Variants in PAH observed in about 807,000 individuals in gnomAD.
The protein encoded by PAH is phenylalanine hydroxylase.
In PAH, 64 loss-of-function variants were observed where a neutral mutation model predicts 62.0. The ratio of observed to expected loss-of-function variants is 1.03; its 90% CI spans 0.84 to 1.27. The LOEUF (loss-of-function observed/expected upper bound fraction) is 1.27. Ranked by LOEUF, PAH falls within the 50% of genes most tolerant of loss-of-function variation. The pLI, the probability that PAH is intolerant of heterozygous loss-of-function variation, is 0.00. For synonymous variants in PAH, 195 were observed against 196.2 expected, an observed-to-expected ratio of 0.99 and a Z score of 0.05; for missense variants, 579 against 542.8, an observed-to-expected ratio of 1.07 and a Z score of -0.66.
chr12:102,883,179 A>G (rs1876894342), intron 3 of PAH, among the ~76,000 whole-genome samples: 1 of 152,262 alleles, frequency 6.6e-6, no homozygotes, highest in Non-Finnish European at 1.5e-5. Context: ...GAGGCTGGCC[A>G]GATGATACTT....
chr12:102,840,340 G>A (rs1190965659), intron 12 of PAH, 60 bp downstream of exon 12: 1 of 1,003,656 alleles, frequency 1.0e-6, no homozygotes, highest in Non-Finnish European at 1.6e-6. Flanking sequence ...GCGATGGTAG[G>A]GAAAGACAGT....
chr12:102,860,033 C>T (rs1224713128), intron 5 of PAH, among the ~76,000 whole-genome samples: 1 of 152,176 alleles, frequency 6.6e-6, no homozygotes, highest in Non-Finnish European at 1.5e-5. Context: ...AAGAGGAAAT[C>T]AAATTGTCCC....
At chr12:102,889,003 G>A (rs1180297368) in intron 3 of PAH, among the ~76,000 whole-genome samples, 1 of 151,994 alleles carries the variant, frequency 6.6e-6, no homozygotes, top group African/African-American at 2.4e-5. Context: ...CCAAGCAGAG[G>A]AAAGGAGAGA....
chr12:102,864,344 A>T lies in PAH; in HGVS notation c.509+2252T>A, dbSNP rs530440730. On this transcript the variant is annotated intron_variant, in intron 5 of 12. Transcript: ENST00000553106. ...TCTGATTCTGCTTTTCTGCAGGTTA[A>T]TCTGATTCGCACCAGCCCCTGAAGT... Among the ~76,000 whole-genome samples, 4 of 152,238 alleles carry T rather than the reference A, an allele frequency of 2.6e-5. No individual in the cohort carries two copies. The East Asian group carries it at 7.7e-4, about 29-fold the overall frequency.
chr12:102,871,922 CAAAAAAAAAAA>C lies in PAH; in HGVS notation c.442-5270_442-5260del, dbSNP rs1168829038. Among the ~76,000 whole-genome samples the C allele has an allele frequency of 4.6e-4, 53 of 115,472 alleles. 2 individuals carry two copies. The highest frequency in any genetic ancestry group is 1.8e-3 in the African/African-American group (49 of 26,866). 75.8% of individuals were successfully genotyped at this position (115,472 alleles called of 152,430 possible). A position where few individuals can be genotyped will look rare whatever the true frequency, so the allele number is the denominator to read the frequency against. On this transcript the variant is annotated intron_variant, in intron 4 of 12. Coordinates refer to ENST00000553106, the MANE Select transcript of PAH (RefSeq NM_000277.3). The stretch of plus-strand genomic sequence containing the variant: ...GGGTGACAAGAGCAAAACTCTGCCT[CAAAAAAAAAAA>C]AAAAAAAAAAAAAAAAATATATATA...
At chr12:102,931,530 T>C (rs1878875019) in intron 1 of PAH, among the ~76,000 whole-genome samples, 1 of 152,166 alleles carries the variant, frequency 6.6e-6, no homozygotes, top group African/African-American at 2.4e-5. Flanking sequence ...AAGCCTCACA[T>C]AGACATAGTT....
intron 2 of PAH, among the ~76,000 whole-genome samples, chr12:102,897,283 C>A (rs1452223002): frequency 6.7e-6 from 1 of 148,628 alleles, no homozygotes; most frequent in East Asian, 2.0e-4. Flanking sequence ...GCAAATAACT[C>A]ATTGTTCAAT....
chr12:102,932,399 C>A (rs1296280234), intron 1 of PAH, among the ~76,000 whole-genome samples: 1 of 152,204 alleles, frequency 6.6e-6, no homozygotes, highest in Non-Finnish European at 1.5e-5. Flanking sequence ...AAGCACCAAA[C>A]TCTGTGGGCT....
intron 4 of PAH, among the ~76,000 whole-genome samples, chr12:102,875,417 T>C (rs530907518): frequency 6.6e-6 from 1 of 152,228 alleles, no homozygotes; most frequent in East Asian, 1.9e-4. Flanking sequence ...GACAGGAGTT[T>C]GGTAAGAGGA....
At chr12:102,939,676 C>G (rs1013888442) in intron 1 of PAH, among the ~76,000 whole-genome samples, 3 of 152,196 alleles carry the variant, frequency 2.0e-5, no homozygotes, top group African/African-American at 7.2e-5. Flanking sequence ...CATGCAGGGC[C>G]CCCAGTTTGG....
At chr12:102,902,985 C>T (rs1877820873) in intron 2 of PAH, among the ~76,000 whole-genome samples, 1 of 152,246 alleles carries the variant, frequency 6.6e-6, no homozygotes, top group Admixed American at 6.5e-5. Context: ...TCTGGCTCAG[C>T]TCACGCCTTT....
Position 102,866,581 on chromosome 12 carries a change from G to C in PAH, c.509+15C>G. The C allele has an allele frequency of 1.2e-6, 2 of 1,608,126 alleles. No homozygotes were observed. The highest frequency in any genetic ancestry group is 1.7e-6 in the Non-Finnish European group (2 of 1,174,584). On this transcript the variant is annotated intron_variant, in intron 5 of 12. Transcript: ENST00000553106. ...TGTTTTTCTCTCTTCCCCTCAACAA[G>C]CAAGGCAGACTTACTGGCGGTAGTT...
chr12:102,910,387 T>TTTTGGG (rs1878155325), intron 2 of PAH, among the ~76,000 whole-genome samples: 1 of 149,360 alleles, frequency 6.7e-6, no homozygotes, highest in Non-Finnish European at 1.5e-5. Context: ...TTTTTTTTTT[T>TTTTGGG]GGGGAGGGAG....
intron 3 of PAH, among the ~76,000 whole-genome samples, chr12:102,878,117 G>A (rs1033477516): frequency 2.7e-4 from 41 of 152,112 alleles, no homozygotes; most frequent in Admixed American, 1.7e-3. Context: ...GAGCCACTGC[G>A]TCCGGCCATT....
intron 1 of PAH, among the ~76,000 whole-genome samples, chr12:102,930,478 T>A (rs1878820721): frequency 1.3e-5 from 2 of 152,324 alleles, no homozygotes; most frequent in African/African-American, 4.8e-5. Flanking sequence ...TCATGGCCAG[T>A]GGCCACAGAC....
intron 3 of PAH, among the ~76,000 whole-genome samples, chr12:102,883,858 G>A (rs1413255839): frequency 6.6e-6 from 1 of 152,200 alleles, no homozygotes; most frequent in Non-Finnish European, 1.5e-5. Context: ...GGAACTTTGT[G>A]CAAATTACTT....
chr12:102,926,468 A>G (rs961987826), intron 1 of PAH, among the ~76,000 whole-genome samples: 1 of 151,962 alleles, frequency 6.6e-6, no homozygotes, highest in African/African-American at 2.4e-5. Flanking sequence ...AGTCTGGAGA[A>G]GTAGGCACGA....
chr12:102,894,720 TC>T lies in PAH; in HGVS notation c.352+14del. 6.2e-7 allele frequency: 1 copy of T among 1,610,566 alleles called. No individual in the cohort carries two copies. The highest frequency in any genetic ancestry group is 2.2e-5 in the East Asian group (1 of 44,876). On this transcript the variant is annotated intron_variant, in intron 3 of 12. Transcript: ENST00000553106. ...TGTGGAGTTACTTATGTTGCAAAAT[TC>T]CTCTAATTCTTACCTGTGTCTTTCT...
chr12:102,952,133 G>A (rs1344738738), upstream of PAH, among the ~76,000 whole-genome samples: 9 of 152,170 alleles, frequency 5.9e-5, no homozygotes, highest in African/African-American at 2.2e-4. Context: ...GAAACACTCT[G>A]ACAAGGCATG....
Sources: gnomAD v4.1 joint callset for allele counts (sites outside exome capture counted in the v4.1 genomes callset) on GRCh38, gnomAD v4.1.1 for gene constraint, MANE v1.5 for transcripts, NCBI Gene and HGNC (gene_info 2026-07-23, HGNC 2026-07-21) for gene names.